Variants in ETV1 observed in about 807,000 individuals in gnomAD.
ETV1 encodes ETS translocation variant 1.
Under a neutral mutation model 62.3 loss-of-function variants are expected in ETV1, and 27 were observed. The observed-to-expected ratio is 0.43, with a 90% CI of 0.32 to 0.60. ETV1 has a LOEUF of 0.60. ETV1 is among the 20% of genes least tolerant of loss of function. ETV1 has a pLI of 0.06. For synonymous variants in ETV1, 222 were observed against 199.6 expected (o/e 1.11, Z -0.94); for missense variants, 605 against 605.8 (o/e 1.00, Z 0.01).
intron 6 of ETV1, among the ~76,000 whole-genome samples, chr7:13,945,719 G>A (rs1042247364): frequency 1.3e-5 from 2 of 152,162 alleles, no homozygotes; most frequent in Non-Finnish European, 2.9e-5. Context: ...TTGAAAACGT[G>A]TTGGGTATTT....
At chr7:13,986,941 A>G (rs576730129) in intron 4 of ETV1, 1 of 390,098 alleles carries the variant, frequency 2.6e-6, no homozygotes, top group East Asian at 5.4e-5. Flanking sequence ...TCTTTTTAAC[A>G]AACAGCTTAA....
chr7:13,916,455 T>C (rs534351519), intron 9 of ETV1, among the ~76,000 whole-genome samples: 25 of 151,946 alleles, frequency 1.6e-4, no homozygotes, highest in African/African-American at 5.8e-4. Flanking sequence ...CTAGCCAACA[T>C]GGTGAAAACC....
chr7:13,952,249 G>A (rs1209345404), intron 6 of ETV1, among the ~76,000 whole-genome samples: 1 of 152,066 alleles, frequency 6.6e-6, no homozygotes, highest in African/African-American at 2.4e-5. Context: ...TAATCTGCAA[G>A]CTGAAGCCAT....
At chr7:13,975,639 G>A (rs1490034275) in intron 6 of ETV1, among the ~76,000 whole-genome samples, 15 of 150,338 alleles carry the variant, frequency 1.0e-4, no homozygotes, top group Admixed American at 1.3e-4. Context: ...GAAAGAAGAG[G>A]TCCACAAAGA....
At chr7:13,934,489 T>C (rs1367831985) in intron 8 of ETV1, among the ~76,000 whole-genome samples, 1 of 152,244 alleles carries the variant, frequency 6.6e-6, no homozygotes, top group African/African-American at 2.4e-5. Context: ...AAGATTCCTT[T>C]GGCTGAGTTA....
Position 13,894,971 on chromosome 7 carries a change from T to A in ETV1, c.*895A>T, listed in dbSNP as rs1239313532. 2.1e-5 allele frequency: 5 copies of A among 232,976 alleles called. No homozygotes were observed. The highest frequency in any genetic ancestry group is 3.4e-5 in the Non-Finnish European group (4 of 117,724). 14.4% of individuals were successfully genotyped at this position (232,976 alleles called of 1,614,324 possible). ...TCTTATTGATTAAATAATGTATTTA[T>A]GTACTGAAGAAAGTGAAAAGGAGAC... On this transcript the variant is annotated 3_prime_UTR_variant, in exon 14 of 14. Transcript: ENST00000430479.
rs776991837 is a variant in ETV1, at chr7:13,931,694, G to C, written c.610C>G (p.Pro204Ala). The C allele has an allele frequency of 1.2e-6, 2 of 1,613,650 alleles. No homozygotes were observed. Among genetic ancestry groups the C allele is most frequent in the East Asian group, 4.5e-5 (2 of 44,874 alleles). ...TGGTACATAGGACGTCCTTCCCTTG[G>C]CATCGTCGGCAAAGGAGGAAAGGAG... Reference protein sequence around the residue: ...CNSFPPLPTMPREGRPMYQRQ... With the variant: ...CNSFPPLPTMAREGRPMYQRQ... The change falls in exon 9 of 14, where the codon CCA becomes GCA. Residue 204 changes from proline (P) to alanine (A), a missense_variant. Physicochemically the swap from Pro to Ala is conservative, Grantham distance 27. Coordinates refer to ENST00000430479, the MANE Select transcript of ETV1 (RefSeq NM_004956.5).
intron 6 of ETV1, among the ~76,000 whole-genome samples, chr7:13,976,320 T>C (rs901460366): frequency 2.0e-5 from 3 of 152,200 alleles, no homozygotes; most frequent in Non-Finnish European, 4.4e-5. Context: ...TGAATGTACT[T>C]AGTGCCATTG....
intron 8 of ETV1, 54 bp downstream of exon 8, chr7:13,935,653 AT>A (rs1786718521): frequency 6.7e-7 from 1 of 1,494,968 alleles, no homozygotes; most frequent in East Asian, 2.3e-5. Flanking sequence ...GTTAATAGAA[AT>A]TTTTTCCAAG....
chr7:13,985,407 ATTTAAC>A (rs1045381251), intron 5 of ETV1: 6 of 152,170 alleles, frequency 3.9e-5, no homozygotes, highest in African/African-American at 1.4e-4. Context: ...TAGGAAAGCT[ATTTAAC>A]TTTAAAGATT....
rs371431917 is a variant in ETV1 at position 13,901,521 on chromosome 7, AT to A, written c.1111-683del. Among the ~76,000 whole-genome samples, 654 of 152,308 alleles carry A rather than the reference AT, an allele frequency of 4.3e-3. 3 individuals carry two copies. Among genetic ancestry groups the A allele is most frequent in the African/African-American group, 0.015 (625 of 41,562 alleles). ...TTGGTTTTTCAGACAAAAACTATAG[AT>A]AAAGAGCAGCTTAGTGATCTCCTTG... is the stretch of plus-strand genomic sequence containing the variant. On this transcript the variant is annotated intron_variant, in intron 12 of 13. Transcript: ENST00000430479.
chr7:13,898,109 A>G (rs562777209), intron 13 of ETV1, among the ~76,000 whole-genome samples: 10 of 152,328 alleles, frequency 6.6e-5, no homozygotes, highest in Admixed American at 5.2e-4. Context: ...ACTATGTTAA[A>G]TGCTACTGAG....
At chr7:13,957,909 A>C (rs1263238698) in intron 6 of ETV1, among the ~76,000 whole-genome samples, 1 of 152,242 alleles carries the variant, frequency 6.6e-6, no homozygotes, top group Non-Finnish European at 1.5e-5. Flanking sequence ...TCCTATGATC[A>C]CAACCGTGAT....
chr7:13,990,253 C>T (rs896306161), upstream of ETV1, among the ~76,000 whole-genome samples: 1 of 152,114 alleles, frequency 6.6e-6, no homozygotes, highest in Non-Finnish European at 1.5e-5. Flanking sequence ...AAACAGTCAT[C>T]CTCAACTAAA....
chr7:13,903,293 A>T (rs567846403), intron 12 of ETV1, among the ~76,000 whole-genome samples: 20 of 152,352 alleles, frequency 1.3e-4, no homozygotes, highest in Non-Finnish European at 2.2e-4. Context: ...ATAATGTAAT[A>T]GTTCAAGCAT....
rs1317606773 is a variant in ETV1, at chr7:13,894,440, A to T, written c.*1426T>A. Reference sequence around the variant, plus strand: ...CATTTACAGAAGTGTCCAAAAAGAGATGATGGATAATATCAGTGCCAGCAC... The same window carrying T: ...CATTTACAGAAGTGTCCAAAAAGAGTTGATGGATAATATCAGTGCCAGCAC... On this transcript the variant is annotated 3_prime_UTR_variant, in exon 14 of 14. Coordinates refer to ENST00000430479, the MANE Select transcript of ETV1 (RefSeq NM_004956.5). 2.6e-5 allele frequency: 6 copies of T among 232,616 alleles called. No homozygotes were observed. The Admixed American group carries it at 3.4e-4, about 13-fold the overall frequency. 14.4% of individuals were successfully genotyped at this position (232,616 alleles called of 1,614,324 possible).
At chr7:13,902,428 C>T (rs1782536048) in intron 12 of ETV1, among the ~76,000 whole-genome samples, 1 of 151,432 alleles carries the variant, frequency 6.6e-6, no homozygotes, top group Non-Finnish European at 1.5e-5. Flanking sequence ...TATATCCCAG[C>T]AGACAATCAC....
intron 8 of ETV1, among the ~76,000 whole-genome samples, chr7:13,932,285 T>C (rs1204839725): frequency 1.3e-5 from 2 of 152,166 alleles, no homozygotes; most frequent in African/African-American, 4.8e-5. Flanking sequence ...AATCAGGACT[T>C]TCAATTCCTC....
intron 5 of ETV1, 21 bp from the exon 6 acceptor site, chr7:13,977,501 T>TAA (rs5882424): frequency 6.5e-5 from 96 of 1,466,848 alleles, no homozygotes; most frequent in Middle Eastern, 2.0e-4. Context: ...AAAAGAAAAT[T>TAA]AAAAAAAATT....
Sources: gnomAD v4.1 joint callset for allele counts (sites outside exome capture counted in the v4.1 genomes callset) on GRCh38, gnomAD v4.1.1 for gene constraint, MANE v1.5 for transcripts, NCBI Gene and HGNC (gene_info 2026-07-23, HGNC 2026-07-21) for gene names.